CEP112: variants seen among roughly 807,000 people sequenced by gnomAD.
CEP112 encodes the protein centrosomal protein 112.
A neutral mutation model predicts 153.0 loss-of-function variants in CEP112; 127 were observed. The ratio of observed to expected loss-of-function variants is 0.83; its 90% confidence interval spans 0.72 to 0.96. The LOEUF (loss-of-function observed/expected upper bound fraction) is 0.96, where lower values mean the gene tolerates loss of function less well. Among genes scored for constraint, CEP112 ranks in the 40% least tolerant of loss-of-function variants. The pLI is 0.00. For synonymous variants in CEP112, 358 were observed against 374.4 expected (o/e 0.96, Z 0.51); for missense variants, 1,089 against 1,101.2 (o/e 0.99, Z 0.16).
intron 17 of CEP112, among the ~76,000 whole-genome samples, chr17:65,996,268 A>G (rs1013837351): frequency 6.6e-6 from 1 of 152,030 alleles, no homozygotes; most frequent in Non-Finnish European, 1.5e-5. Flanking sequence ...GTATTTCACT[A>G]AAGCCCAAAA....
At position 65,896,204 on chromosome 17, in the gene CEP112, C is replaced by G. The variant is rs1275618237; in HGVS notation, c.2163+5948G>C. Among the ~76,000 whole-genome samples, 5 of 152,152 alleles carry G rather than the reference C, an allele frequency of 3.3e-5. No homozygotes were observed. In the East Asian group the frequency reaches 9.6e-4, roughly 29 times the overall value. On this transcript the variant is annotated intron_variant, in intron 20 of 26. Coordinates refer to ENST00000535342, the MANE Select transcript of CEP112 (RefSeq NM_001199165.4). ...AACTGCCACATTTTAAAAATATGCACAGGACTAAAGATACACTGTATCTTC... is the reference window on the plus strand; with the variant it reads ...AACTGCCACATTTTAAAAATATGCAGAGGACTAAAGATACACTGTATCTTC...
chr17:66,108,586 T>C (rs916970555), intron 6 of CEP112, among the ~76,000 whole-genome samples: 3 of 152,124 alleles, frequency 2.0e-5, no homozygotes, highest in African/African-American at 7.2e-5. Flanking sequence ...CCAGTTAAAA[T>C]GGCTTCTATC....
At chr17:66,060,974 A>G (rs1176304687) in intron 11 of CEP112, among the ~76,000 whole-genome samples, 1 of 151,806 alleles carries the variant, frequency 6.6e-6, no homozygotes, top group Non-Finnish European at 1.5e-5. Flanking sequence ...TGAAAAGGCA[A>G]CCTACAGAAT....
At chr17:65,663,057 AG>A (rs2046475886) in intron 24 of CEP112, among the ~76,000 whole-genome samples, 1 of 152,314 alleles carries the variant, frequency 6.6e-6, no homozygotes, top group African/African-American at 2.4e-5. Context: ...CTAAGATTTT[AG>A]GGATAAGGGT....
intron 20 of CEP112, among the ~76,000 whole-genome samples, chr17:65,857,973 T>G (rs2058181430): frequency 6.6e-6 from 1 of 152,242 alleles, no homozygotes; most frequent in Non-Finnish European, 1.5e-5. Flanking sequence ...TCAGTTTTGG[T>G]AAATTTTTAT....
chr17:66,066,596 CACAAAT>C lies in CEP112; in HGVS notation c.955+176_955+181del, dbSNP rs753629090. ...ACACACACAGACACACACACACACACACAAATAAACACAGTTTTTGCCCCTTCATAT... is the reference window on the plus strand; with the variant it reads ...ACACACACAGACACACACACACACACAAACACAGTTTTTGCCCCTTCATAT... On this transcript the variant is annotated intron_variant, in intron 10 of 26. Transcript: ENST00000535342. Among the ~76,000 whole-genome samples, 25 of 151,906 alleles carry C rather than the reference CACAAAT, an allele frequency of 1.6e-4. 1 individual carries two copies. In the South Asian group the frequency reaches 4.8e-3, roughly 29 times the overall value.
intron 17 of CEP112, among the ~76,000 whole-genome samples, chr17:65,969,941 CAT>C (rs1839250014): frequency 6.6e-6 from 1 of 152,188 alleles, no homozygotes; most frequent in African/African-American, 2.4e-5. Context: ...TACAGGCATG[CAT>C]ATCACAGGTA....
intron 24 of CEP112, among the ~76,000 whole-genome samples, chr17:65,647,868 C>T (rs1348217724): frequency 6.6e-6 from 1 of 152,090 alleles, no homozygotes; most frequent in Non-Finnish European, 1.5e-5. Flanking sequence ...TACCTGTGGA[C>T]TATTCATGAA....
intron 17 of CEP112, among the ~76,000 whole-genome samples, chr17:65,987,033 G>T (rs1018172523): frequency 6.6e-6 from 1 of 152,024 alleles, no homozygotes; most frequent in East Asian, 1.9e-4. Flanking sequence ...ATACCAGTTG[G>T]AGACTAAAAG....
intron 19 of CEP112, among the ~76,000 whole-genome samples, chr17:65,921,893 T>A (rs145820927): frequency 0.012 from 1,839 of 149,832 alleles, 18 homozygotes; most frequent in Middle Eastern, 0.017. Context: ...ATTTATATAT[T>A]TTTTTTACAT....
At chr17:65,980,567 C>T (rs1173868240) in intron 17 of CEP112, among the ~76,000 whole-genome samples, 1 of 152,144 alleles carries the variant, frequency 6.6e-6, no homozygotes, top group East Asian at 1.9e-4. Flanking sequence ...ATTCTCTCTC[C>T]TCCACCAGTT....
intron 16 of CEP112, among the ~76,000 whole-genome samples, chr17:66,016,028 T>C (rs1406076715): frequency 1.3e-5 from 2 of 152,234 alleles, no homozygotes; most frequent in Non-Finnish European, 2.9e-5. Context: ...CCAGCAACTA[T>C]GTGATCGTAA....
chr17:66,184,112 C>G (rs1306865208), intron 1 of CEP112, among the ~76,000 whole-genome samples: 1 of 152,020 alleles, frequency 6.6e-6, no homozygotes, highest in African/African-American at 2.4e-5. Context: ...TAAAAATTAG[C>G]CAGGTGTAGT....
intron 21 of CEP112, among the ~76,000 whole-genome samples, chr17:65,758,596 T>G (rs1009209666): frequency 6.6e-5 from 10 of 152,088 alleles, no homozygotes; most frequent in African/African-American, 2.4e-4. Context: ...AGAAGAAAAT[T>G]AGGAGATTTG....
At chr17:66,018,604 C>G (rs1476873746) in intron 16 of CEP112, among the ~76,000 whole-genome samples, 1 of 152,140 alleles carries the variant, frequency 6.6e-6, no homozygotes, top group Non-Finnish European at 1.5e-5. Context: ...ACTAAAGGCA[C>G]ACGTACTCTT....
chr17:65,958,869 A>T (rs528790807), intron 18 of CEP112, among the ~76,000 whole-genome samples: 1 of 152,104 alleles, frequency 6.6e-6, no homozygotes, highest in East Asian at 1.9e-4. Flanking sequence ...GGGCCTCCCC[A>T]TGGCCACCCA....
At chr17:65,683,173 C>T (rs1008648530) in intron 24 of CEP112, among the ~76,000 whole-genome samples, 3 of 152,194 alleles carry the variant, frequency 2.0e-5, no homozygotes, top group Non-Finnish European at 4.4e-5. Flanking sequence ...TTTCCCCACC[C>T]TGCAACCCCT....
At chr17:65,764,780 G>T (rs1212748860) in intron 21 of CEP112, among the ~76,000 whole-genome samples, 1 of 149,796 alleles carries the variant, frequency 6.7e-6, no homozygotes, top group African/African-American at 2.5e-5. Flanking sequence ...GACGTTTAAG[G>T]ACTTACTACT....
At chr17:66,107,093 G>A (rs9893136) in intron 6 of CEP112, among the ~76,000 whole-genome samples, 25,326 of 151,904 alleles carry the variant, frequency 0.17, 2,983 homozygotes, top group African/African-American at 0.33. Context: ...AAAATTCAGC[G>A]TCCCTTCATG....
Sources: gnomAD v4.1 joint callset for allele counts (sites outside exome capture counted in the v4.1 genomes callset) on GRCh38, gnomAD v4.1.1 for gene constraint, MANE v1.5 for transcripts, NCBI Gene and HGNC (gene_info 2026-07-23, HGNC 2026-07-21) for gene names.